The following WDPCP variants were observed in gnomAD, a reference collection of about 807,000 sequenced individuals.
The protein encoded by WDPCP is WD repeat containing planar cell polarity effector, also known as WD repeat-containing and planar cell polarity effector protein fritz homolog.
In WDPCP, 71 loss-of-function variants were observed where a neutral mutation model predicts 93.1. That is an observed-to-expected ratio of 0.76 (90% CI 0.63 to 0.93). The LOEUF (loss-of-function observed/expected upper bound fraction) is 0.93. Among genes scored for constraint, WDPCP ranks in the 40% least tolerant of loss-of-function variants. The pLI, the probability that WDPCP is intolerant of heterozygous loss-of-function variation, is 0.00. For synonymous variants in WDPCP, 315 were observed against 315.0 expected, an observed-to-expected ratio of 1.00 and a Z score of 0.00; for missense variants, 844 against 887.4, an observed-to-expected ratio of 0.95 and a Z score of 0.62.
chr2:63,583,927 G>A (rs1021582396), intron 1 of WDPCP, among the ~76,000 whole-genome samples: 1 of 151,898 alleles, frequency 6.6e-6, no homozygotes, highest in South Asian at 2.1e-4. Context: ...GCAACCTAGC[G>A]AGACCACATC....
At chr2:63,596,962 G>A (rs1283903464) in intron 3 of WDPCP, among the ~76,000 whole-genome samples, 2 of 152,080 alleles carry the variant, frequency 1.3e-5, no homozygotes, top group Admixed American at 6.6e-5. Flanking sequence ...CATTATCCTG[G>A]CACAAAACTC....
chr2:63,789,527 A>T (rs1432477308), intron 2 of WDPCP, among the ~76,000 whole-genome samples: 1 of 152,178 alleles, frequency 6.6e-6, no homozygotes, highest in African/African-American at 2.4e-5. Flanking sequence ...CAGCCTCCAG[A>T]CTGGACCAGT....
rs369078023 is a variant in WDPCP at position 63,189,120 on chromosome 2, T to C, written c.1916-14288A>G. On this transcript the variant is annotated intron_variant, in intron 14 of 17. Transcript: ENST00000272321. ...TTGTAGTCCTCTGCCCTTAATCTCT[T>C]GCTCCCCCTAGAGCCTGCCTGCAGA... Among the ~76,000 whole-genome samples the C allele has an allele frequency of 1.6e-4, 25 of 152,282 alleles. No homozygotes were observed. The South Asian group carries it at 3.5e-3, about 22-fold the overall frequency.
intron 1 of WDPCP, among the ~76,000 whole-genome samples, chr2:63,521,499 C>T (rs542814935): frequency 6.6e-6 from 1 of 152,024 alleles, no homozygotes. Flanking sequence ...ATACACACCC[C>T]ATACAGGAGC....
At chr2:63,228,259 T>C (rs1027848455) in intron 14 of WDPCP, 1 of 152,036 alleles carries the variant, frequency 6.6e-6, no homozygotes, top group Non-Finnish European at 1.5e-5. Context: ...ATATTCAACT[T>C]TCAGTAATAT....
chr2:63,534,436 A>T (rs1226217696), intron 1 of WDPCP, among the ~76,000 whole-genome samples: 1 of 152,136 alleles, frequency 6.6e-6, no homozygotes, highest in African/African-American at 2.4e-5. Context: ...AATATCCCTG[A>T]TGAACATCAA....
At chr2:63,249,468 T>C (rs895837357) in intron 14 of WDPCP, among the ~76,000 whole-genome samples, 1 of 136,162 alleles carries the variant, frequency 7.3e-6, no homozygotes, top group Non-Finnish European at 1.7e-5. Flanking sequence ...GTAGCATAGA[T>C]AATCCCTAAT....
chr2:63,599,302 A>C (rs1344397553), intron 3 of WDPCP: 1 of 1,607,198 alleles, frequency 6.2e-7, no homozygotes, highest in Non-Finnish European at 8.5e-7. Flanking sequence ...AGTAAGAAAA[A>C]TATATTTTAA....
intron 13 of WDPCP, among the ~76,000 whole-genome samples, chr2:63,265,996 G>A (rs1220039899): frequency 6.6e-6 from 1 of 151,904 alleles, no homozygotes; most frequent in African/African-American, 2.4e-5. Context: ...AAATATGGAA[G>A]GAATATACCT....
intron 2 of WDPCP, among the ~76,000 whole-genome samples, chr2:63,802,542 G>C (rs1670712335): frequency 6.6e-6 from 1 of 151,996 alleles, no homozygotes; most frequent in African/African-American, 2.4e-5. Context: ...ATTTTTTCTA[G>C]CTGTGACTGA....
Position 63,544,506 on chromosome 2 carries a change from A to G in WDPCP, c.75+43691T>C, listed in dbSNP as rs1429635894. On this transcript the variant is annotated intron_variant, in intron 1 of 17. Coordinates refer to ENST00000272321, the MANE Select transcript of WDPCP (RefSeq NM_015910.7). ...TTCAAACTGATTCTCTATTATTTCA[A>G]AAAGACTCACTTTTAAAAATCTAGA... 2.0e-5 allele frequency among the ~76,000 whole-genome samples: 3 copies of G among 152,282 alleles called. No homozygotes were observed. In the East Asian group the frequency reaches 5.8e-4, roughly 29 times the overall value.
intron 2 of WDPCP, among the ~76,000 whole-genome samples, chr2:63,666,197 T>TTGAAAATGAAATGCTTTTCATTTCC (rs1379305671): frequency 5.3e-5 from 8 of 152,226 alleles, no homozygotes; most frequent in East Asian, 3.9e-4. Flanking sequence ...TTTTCATTCC[T>TTGAAAATGAAATGCTTTTCATTTCC]TGAAAATGAA....
At chr2:63,753,752 A>G (rs1423703383) in intron 2 of WDPCP, among the ~76,000 whole-genome samples, 1 of 152,228 alleles carries the variant, frequency 6.6e-6, no homozygotes, top group Non-Finnish European at 1.5e-5. Flanking sequence ...ACCTCCCACC[A>G]GACCCCACCT....
intron 13 of WDPCP, among the ~76,000 whole-genome samples, chr2:63,293,254 G>A (rs181792137): frequency 1.3e-5 from 2 of 152,214 alleles, no homozygotes; most frequent in Non-Finnish European, 2.9e-5. Context: ...GGGAAAATTA[G>A]AAAGTTACCA....
chr2:63,674,355 A>G (rs1710379233), intron 2 of WDPCP, among the ~76,000 whole-genome samples: 1 of 152,204 alleles, frequency 6.6e-6, no homozygotes, highest in East Asian at 1.9e-4. Context: ...AGGTAGAATG[A>G]AAAAGGAGCA....
intron 2 of WDPCP, among the ~76,000 whole-genome samples, chr2:63,652,088 T>C (rs1167298234): frequency 6.6e-6 from 1 of 152,242 alleles, no homozygotes; most frequent in Admixed American, 6.5e-5. Flanking sequence ...TTTGTTCAGA[T>C]AATGCAATAT....
chr2:63,231,180 CAAAAT>C (rs1468142151), intron 14 of WDPCP, among the ~76,000 whole-genome samples: 3 of 152,098 alleles, frequency 2.0e-5, no homozygotes, highest in African/African-American at 7.2e-5. Flanking sequence ...GGACATATCT[CAAAAT>C]AATAAGAGCT....
chr2:63,404,715 A>G (rs1386240262), intron 9 of WDPCP, 58 bp from the exon 10 acceptor site: 1 of 1,596,006 alleles, frequency 6.3e-7, no homozygotes, highest in Non-Finnish European at 8.5e-7. Flanking sequence ...TCAACTTCAC[A>G]CCTAGGACTG....
intron 17 of WDPCP, among the ~76,000 whole-genome samples, chr2:63,122,499 G>C (rs1206851075): frequency 6.6e-6 from 1 of 152,160 alleles, no homozygotes; most frequent in East Asian, 1.9e-4. Context: ...AAATAGAAAA[G>C]ATTGTGGTTT....
Sources: allele counts gnomAD v4.1 joint callset (sites outside exome capture counted in the v4.1 genomes callset), GRCh38; gene constraint gnomAD v4.1.1; transcripts MANE v1.5; gene names NCBI Gene and HGNC (gene_info 2026-07-23, HGNC 2026-07-21).